Variants in LAMP3 observed in about 807,000 individuals in gnomAD.
The protein encoded by LAMP3 is lysosome-associated membrane glycoprotein 3.
Under a neutral mutation model 34.8 loss-of-function variants are expected in LAMP3, and 26 were observed. The observed-to-expected ratio is 0.75, with a 90% CI of 0.55 to 1.04. LAMP3 has a LOEUF of 1.04. Among genes scored for constraint, LAMP3 ranks in the 50% least tolerant of loss-of-function variants. The pLI, the probability that LAMP3 is intolerant of heterozygous loss-of-function variation, is 0.00. For missense variants in LAMP3, 495 were observed against 524.0 expected, an observed-to-expected ratio of 0.94 and a Z score of 0.54; for synonymous variants, 180 against 201.9, an observed-to-expected ratio of 0.89 and a Z score of 0.92.
At chr3:183,155,686 G>T (rs1290543589) in intron 1 of LAMP3, among the ~76,000 whole-genome samples, 2 of 152,196 alleles carry the variant, frequency 1.3e-5, no homozygotes, top group African/African-American at 4.8e-5. Context: ...TTAAATGTTT[G>T]CTTATTGGTT....
At chr3:183,146,791 G>C (rs1576881564) in intron 3 of LAMP3, among the ~76,000 whole-genome samples, 1 of 151,632 alleles carries the variant, frequency 6.6e-6, no homozygotes, top group East Asian at 2.0e-4. Flanking sequence ...GCCTCCCAAA[G>C]TGCTGGGATT....
At chr3:183,156,584 A>G (rs555577700) in intron 1 of LAMP3, among the ~76,000 whole-genome samples, 4 of 152,256 alleles carry the variant, frequency 2.6e-5, no homozygotes, top group African/African-American at 9.6e-5. Context: ...AAAATAATTC[A>G]TATATGCCTT....
chr3:183,149,787 A>G (rs1720574294), intron 3 of LAMP3, among the ~76,000 whole-genome samples: 1 of 151,858 alleles, frequency 6.6e-6, no homozygotes, highest in Admixed American at 6.6e-5. Context: ...CCCTGATGTG[A>G]TTATTACACA....
At chr3:183,134,697 C>G (rs985058680) in intron 5 of LAMP3, among the ~76,000 whole-genome samples, 1 of 152,208 alleles carries the variant, frequency 6.6e-6, no homozygotes, top group Non-Finnish European at 1.5e-5. Context: ...CTTCCTCTGC[C>G]AAATGCTTCC....
intron 5 of LAMP3, among the ~76,000 whole-genome samples, chr3:183,130,690 T>C (rs1236678226): frequency 1.3e-5 from 2 of 152,318 alleles, no homozygotes; most frequent in Admixed American, 6.5e-5. Flanking sequence ...TTTTGTAGCA[T>C]GGAAACTAGC....
intron 3 of LAMP3, among the ~76,000 whole-genome samples, chr3:183,141,461 C>T (rs1329039536): frequency 6.6e-6 from 1 of 152,102 alleles, no homozygotes; most frequent in African/African-American, 2.4e-5. Flanking sequence ...TGAGGTGATC[C>T]ACAGTGTTCT....
At chr3:183,152,040 G>T (rs1490524137) in intron 3 of LAMP3, among the ~76,000 whole-genome samples, 1 of 152,132 alleles carries the variant, frequency 6.6e-6, no homozygotes, top group Non-Finnish European at 1.5e-5. Context: ...GAATAATCCT[G>T]TTCCTCTGGG....
In LAMP3 at chr3:183,140,505, G is replaced by T. The variant is rs373069827; in HGVS notation, c.946+33C>A. On this transcript the variant is annotated intron_variant, in intron 4 of 5. Coordinates refer to ENST00000265598, the MANE Select transcript of LAMP3 (RefSeq NM_014398.4). ...AGCTAACCAACAGAAACAGCGTCAT[G>T]GCTGGTCGAATGGGCATTCTGTAAT... The T allele has an allele frequency of 2.9e-6, 4 of 1,361,494 alleles. No individual in the cohort carries two copies. In the African/African-American group the frequency reaches 4.3e-5, roughly 15 times the overall value. 84.3% of individuals were successfully genotyped at this position (1,361,494 alleles called of 1,614,324 possible). A position where few individuals can be genotyped will look rare whatever the true frequency, so the allele number is the denominator to read the frequency against.
At position 183,153,130 on chromosome 3, in the gene LAMP3, G is replaced by T. The variant is rs1291367609; in HGVS notation, c.759+552C>A. Among the ~76,000 whole-genome samples the T allele has an allele frequency of 1.3e-4, 18 of 142,308 alleles. No individual in the cohort carries two copies. In the Admixed American group the frequency reaches 1.3e-3, roughly 11 times the overall value. The allele number at this position is 142,308 out of a possible 152,430, so 93.4% of individuals were successfully genotyped here. A position where few individuals can be genotyped will look rare whatever the true frequency, so the allele number is the denominator to read the frequency against. ...GTGGAGGTTGCAGTGAGCCAAGACT[G>T]TGCCACTACACTCCAGCCTGAGCAA... On this transcript the variant is annotated intron_variant, in intron 2 of 5. Transcript: ENST00000265598.
chr3:183,136,408 T>C (rs1293123896), intron 4 of LAMP3, among the ~76,000 whole-genome samples: 1 of 152,042 alleles, frequency 6.6e-6, no homozygotes, highest in African/African-American at 2.4e-5. Context: ...TCCCAGCACT[T>C]TGGGAGGCCG....
At chr3:183,157,881 T>C (rs2108614841) in intron 1 of LAMP3, among the ~76,000 whole-genome samples, 1 of 152,270 alleles carries the variant, frequency 6.6e-6, no homozygotes, top group African/African-American at 2.4e-5. Flanking sequence ...AGAAGATATG[T>C]GGTACCCGGT....
intron 5 of LAMP3, among the ~76,000 whole-genome samples, chr3:183,127,216 C>T (rs1719801452): frequency 1.3e-5 from 2 of 152,134 alleles, no homozygotes; most frequent in Admixed American, 6.5e-5. Context: ...CTCACTGAAG[C>T]CTCCAGCTCC....
chr3:183,163,300 GTTTT>G (rs1721038826), upstream of LAMP3, among the ~76,000 whole-genome samples: 1 of 113,286 alleles, frequency 8.8e-6, no homozygotes, highest in African/African-American at 3.1e-5. Context: ...CTTTTGTTTT[GTTTT>G]GTTTTGTTTT....
chr3:183,131,309 T>G (rs1719911374), intron 5 of LAMP3, among the ~76,000 whole-genome samples: 2 of 152,242 alleles, frequency 1.3e-5, no homozygotes. Flanking sequence ...TTAATCATTC[T>G]GCAGAAGAGT....
chr3:183,138,450 A>C (rs1438402996), intron 4 of LAMP3, among the ~76,000 whole-genome samples: 6 of 152,222 alleles, frequency 3.9e-5, no homozygotes, highest in Non-Finnish European at 8.8e-5. Flanking sequence ...AGCTAGTCAA[A>C]GGATAGAGCT....
At chr3:183,124,607 C>T (rs997652310) in intron 5 of LAMP3, among the ~76,000 whole-genome samples, 12 of 152,118 alleles carry the variant, frequency 7.9e-5, no homozygotes, top group Admixed American at 3.9e-4. Flanking sequence ...CCGAGGCGGG[C>T]GGATCATCTG....
chr3:183,161,082 G>A (rs60780061), intron 1 of LAMP3: 1 of 152,126 alleles, frequency 6.6e-6, no homozygotes, highest in African/African-American at 2.4e-5. Context: ...TGCTGTCCAG[G>A]TGCTACCTCA....
Position 183,123,666 on chromosome 3 carries a change from A to G in LAMP3, c.*415T>C, listed in dbSNP as rs56682988. ...CAGATAGTAAAAGCACTGAAAGTCC[A>G]TTTGATAACAAAGCAAAGGCTTTGT... On this transcript the variant is annotated 3_prime_UTR_variant, in exon 6 of 6. Coordinates refer to ENST00000265598, the MANE Select transcript of LAMP3 (RefSeq NM_014398.4). 0.028 allele frequency: 4,804 copies of G among 169,948 alleles called. 251 individuals carry two copies. Among genetic ancestry groups the G allele is most frequent in the African/African-American group, 0.11 (4,544 of 41,668 alleles). 10.5% of individuals were successfully genotyped at this position (169,948 alleles called of 1,614,324 possible).
At chr3:183,132,575 A>G (rs1228150154) in intron 5 of LAMP3, 2 of 985,262 alleles carry the variant, frequency 2.0e-6, no homozygotes, top group Non-Finnish European at 2.4e-6. Context: ...CAGCACTGGT[A>G]TATTCAGGTA....
Sources: allele counts gnomAD v4.1 joint callset (sites outside exome capture counted in the v4.1 genomes callset), GRCh38; gene constraint gnomAD v4.1.1; transcripts MANE v1.5; gene names NCBI Gene and HGNC (gene_info 2026-07-23, HGNC 2026-07-21).